ZNF420: variants seen among roughly 807,000 people sequenced by gnomAD.
ZNF420 encodes the protein zinc finger protein 420.
A neutral mutation model predicts 44.7 loss-of-function variants in ZNF420; 31 were observed. The ratio of observed to expected loss-of-function variants is 0.69; its 90% CI spans 0.52 to 0.94. The LOEUF is 0.94. Ranked by LOEUF, ZNF420 falls within the 40% of genes least tolerant of loss-of-function variation. The pLI is 0.00. For synonymous variants in ZNF420, 245 were observed against 267.4 expected, an observed-to-expected ratio of 0.92 and a Z score of 0.82; for missense variants, 681 against 827.9, an observed-to-expected ratio of 0.82 and a Z score of 2.18.
At chr19:37,048,118 T>C (rs980251270) in intron 1 of ZNF420, among the ~76,000 whole-genome samples, 1 of 147,594 alleles carries the variant, frequency 6.8e-6, no homozygotes, top group Admixed American at 6.8e-5. Context: ...AAAGGCACTT[T>C]TATTGTGGGG....
chr19:37,033,947 G>T (rs1389308903), intron 1 of ZNF420, among the ~76,000 whole-genome samples: 1 of 152,056 alleles, frequency 6.6e-6, no homozygotes, highest in Non-Finnish European at 1.5e-5. Context: ...GGTAGAGACG[G>T]TGTTTCACCA....
chr19:37,122,944 C>G (rs1971136615), intron 4 of ZNF420, among the ~76,000 whole-genome samples: 1 of 152,218 alleles, frequency 6.6e-6, no homozygotes, highest in Non-Finnish European at 1.5e-5. Context: ...CATTTGATAT[C>G]TAATAGTTCA....
At chr19:37,061,104 G>A (rs1053654316) in intron 1 of ZNF420, among the ~76,000 whole-genome samples, 39 of 152,202 alleles carry the variant, frequency 2.6e-4, no homozygotes, top group Middle Eastern at 3.4e-3. Flanking sequence ...CCTTCCTCCG[G>A]AACATGCCTG....
chr19:37,070,951 A>G lies in ZNF420; in HGVS notation c.-124-9394A>G, dbSNP rs184920354. 3.3e-4 allele frequency among the ~76,000 whole-genome samples: 50 copies of G among 152,262 alleles called. No individual in the cohort carries two copies. In the East Asian group the frequency reaches 7.5e-3, roughly 23 times the overall value. On this transcript the variant is annotated intron_variant, in intron 1 of 4. Coordinates refer to the ZNF420 transcript ENST00000587029. The stretch of plus-strand genomic sequence containing the variant: ...TTGGCATAAAGTTTCACTAGAACAC[A>G]CTCGTTCTTTTACATATTGTCTATG...
chr19:37,089,112 A>T lies in ZNF420; in HGVS notation c.-7A>T. 6.2e-7 allele frequency: 1 copy of T among 1,612,536 alleles called. No individual in the cohort carries two copies. Among genetic ancestry groups the T allele is most frequent in the Non-Finnish European group, 8.5e-7 (1 of 1,178,594 alleles). The stretch of plus-strand genomic sequence containing the variant: ...AGGACTGATCATTTCTTGCAGCTCT[A>T]AAAACCATGGCTCGGGTAAATTGGA... On this transcript the variant is annotated 5_prime_UTR_variant, in exon 3 of 5. It removes the in-frame stop codon of an upstream open reading frame in the 5' UTR. Coordinates refer to ENST00000337995, the MANE Select transcript of ZNF420 (RefSeq NM_144689.5).
intron 1 of ZNF420, among the ~76,000 whole-genome samples, chr19:37,031,595 T>C (rs1308921913): frequency 1.3e-5 from 2 of 152,102 alleles, no homozygotes; most frequent in Non-Finnish European, 2.9e-5. Flanking sequence ...AACCTCCGCC[T>C]CCTGGGTTCA....
intron 4 of ZNF420, among the ~76,000 whole-genome samples, chr19:37,105,831 TTGTC>T (rs369125016): frequency 0.019 from 2,947 of 152,242 alleles, 80 homozygotes; most frequent in East Asian, 0.05. Flanking sequence ...ATTTGGCTGT[TTGTC>T]TGTTATTGGT....
intron 1 of ZNF420, among the ~76,000 whole-genome samples, chr19:37,053,288 T>C (rs1967673986): frequency 6.6e-6 from 1 of 152,212 alleles, no homozygotes; most frequent in Non-Finnish European, 1.5e-5. Flanking sequence ...GTTTTTAACC[T>C]CTTTGCCATG....
chr19:37,024,514 A>G (rs1251290447), intron 1 of ZNF420, among the ~76,000 whole-genome samples: 2 of 152,030 alleles, frequency 1.3e-5, no homozygotes, highest in African/African-American at 2.4e-5. Context: ...CAGTGGTGCA[A>G]TCTCAGCTCA....
intron 1 of ZNF420, chr19:37,008,117 C>T: frequency 3.6e-6 from 1 of 281,598 alleles, no homozygotes; most frequent in South Asian, 3.3e-5. Flanking sequence ...CCTGTCAATT[C>T]GAGGACAGGT....
Position 37,129,206 on chromosome 19 carries a change from A to G in ZNF420, c.*148A>G, listed in dbSNP as rs1232817043. On this transcript the variant is annotated 3_prime_UTR_variant, in exon 5 of 5. Coordinates refer to ENST00000337995, the MANE Select transcript of ZNF420 (RefSeq NM_144689.5). Reference sequence around the variant, plus strand: ...GAGAGAAAATGGTAGTGTCATTCATATAGAAAAACATCATTACTGGAAACC... The same window carrying G: ...GAGAGAAAATGGTAGTGTCATTCATGTAGAAAAACATCATTACTGGAAACC... 3 of 957,300 alleles carry G rather than the reference A, an allele frequency of 3.1e-6. No individual in the cohort carries two copies. The highest frequency in any genetic ancestry group is 4.6e-6 in the Non-Finnish European group (3 of 649,492). The allele number at this position is 957,300 out of a possible 1,614,324, so 59.3% of individuals were successfully genotyped here.
At chr19:37,113,979 A>G (rs538130422) in intron 4 of ZNF420, among the ~76,000 whole-genome samples, 35 of 152,324 alleles carry the variant, frequency 2.3e-4, no homozygotes, top group South Asian at 1.2e-3. Flanking sequence ...ATGTCCTCAT[A>G]TAAGGGGAGT....
chr19:37,088,443 GT>G (rs1015036577), intron 2 of ZNF420, among the ~76,000 whole-genome samples: 28 of 151,884 alleles, frequency 1.8e-4, no homozygotes, highest in Admixed American at 1.3e-3. Context: ...AATTTACTGA[GT>G]TTTTTTTAAC....
chr19:37,012,897 G>C (rs2074582865), intron 1 of ZNF420, among the ~76,000 whole-genome samples: 1 of 151,940 alleles, frequency 6.6e-6, no homozygotes, highest in African/African-American at 2.4e-5. Context: ...GTGTGTGTGT[G>C]TTGGGACGAA....
At chr19:37,012,036 A>G (rs566151647) in intron 1 of ZNF420, among the ~76,000 whole-genome samples, 1 of 152,340 alleles carries the variant, frequency 6.6e-6, no homozygotes, top group Admixed American at 6.5e-5. Context: ...CCCGCCTCAC[A>G]GATGAGGTGA....
At chr19:37,030,467 T>A (rs1967238057) in intron 1 of ZNF420, among the ~76,000 whole-genome samples, 1 of 152,186 alleles carries the variant, frequency 6.6e-6, no homozygotes, top group Non-Finnish European at 1.5e-5. Flanking sequence ...GGCCTTCTAT[T>A]TCTTTATATG....
chr19:37,036,465 C>A (rs1039424691), intron 1 of ZNF420, among the ~76,000 whole-genome samples: 14 of 152,228 alleles, frequency 9.2e-5, no homozygotes, highest in Middle Eastern at 3.4e-3. Context: ...TCTCCTGCCC[C>A]CCGTTCATTC....
chr19:37,033,796 G>A (rs1018825128), intron 1 of ZNF420, among the ~76,000 whole-genome samples: 6 of 151,872 alleles, frequency 4.0e-5, no homozygotes, highest in African/African-American at 1.2e-4. Context: ...TCACTCTATC[G>A]CCCAGGCTGG....
At chr19:37,033,900 G>A (rs376616134) in intron 1 of ZNF420, among the ~76,000 whole-genome samples, 184 of 152,176 alleles carry the variant, frequency 1.2e-3, no homozygotes, top group African/African-American at 4.3e-3. Flanking sequence ...GGGATTACAG[G>A]CACACAGCAC....
Sources: allele counts gnomAD v4.1 joint callset (sites outside exome capture counted in the v4.1 genomes callset), GRCh38; gene constraint gnomAD v4.1.1; transcripts MANE v1.5; gene names NCBI Gene and HGNC (gene_info 2026-07-23, HGNC 2026-07-21).